Variants in DPP6 observed in about 807,000 individuals in gnomAD.
DPP6 encodes the protein A-type potassium channel modulatory protein DPP6.
A neutral mutation model predicts 122.6 loss-of-function variants in DPP6; 69 were observed. That is an observed-to-expected ratio of 0.56 (90% CI 0.46 to 0.69). DPP6 has a LOEUF of 0.69. DPP6 is among the 30% of genes least tolerant of loss of function. The pLI, the probability that DPP6 is intolerant of heterozygous loss-of-function variation, is 0.00. For synonymous variants in DPP6, 418 were observed against 433.1 expected (o/e 0.97, Z 0.43); for missense variants, 928 against 1,116.9 (o/e 0.83, Z 2.41).
At chr7:154,710,935 G>A (rs527308965) in intron 7 of DPP6, among the ~76,000 whole-genome samples, 1 of 152,314 alleles carries the variant, frequency 6.6e-6, no homozygotes, top group Non-Finnish European at 1.5e-5. Context: ...TATAAATTAT[G>A]TTCTATATTA....
At chr7:154,531,278 C>T (rs1466196587) in intron 3 of DPP6, among the ~76,000 whole-genome samples, 2 of 152,006 alleles carry the variant, frequency 1.3e-5, no homozygotes, top group Non-Finnish European at 2.9e-5. Flanking sequence ...TTAAAGGCAC[C>T]AAAAGAAAAA....
chr7:154,307,649 A>G (rs1482213386), intron 1 of DPP6, among the ~76,000 whole-genome samples: 3 of 152,206 alleles, frequency 2.0e-5, no homozygotes, highest in African/African-American at 4.8e-5. Flanking sequence ...ATAACCTCCT[A>G]AAATAAAATC....
rs551810453 is a variant in DPP6, at chr7:154,667,491, G to A, written c.681-1869G>A. The stretch of plus-strand genomic sequence containing the variant: ...GCCTGTAATTCCAGCACTTTGGGAG[G>A]CCGAGGCAGACGGATTCCCTGAGGT... On this transcript the variant is annotated intron_variant, in intron 6 of 25. Transcript: ENST00000377770. Among the ~76,000 whole-genome samples the A allele has an allele frequency of 2.0e-5, 3 of 152,310 alleles. No homozygotes were observed. The East Asian group carries it at 5.8e-4, about 29-fold the overall frequency.
intron 7 of DPP6, among the ~76,000 whole-genome samples, chr7:154,688,541 T>C (rs927200280): frequency 7.2e-5 from 11 of 152,102 alleles, no homozygotes; most frequent in African/African-American, 2.4e-5. Flanking sequence ...AGGATATATA[T>C]ATTAACTTAC....
chr7:153,827,343 G>T, the DPP6 span, among the ~76,000 whole-genome samples: 19 of 152,260 alleles, frequency 1.2e-4, no homozygotes, highest in African/African-American at 4.6e-4. Context: ...GTGCTTCTGG[G>T]TAGACGGAGT....
chr7:154,823,760 G>C (rs1253752261), intron 16 of DPP6, among the ~76,000 whole-genome samples: 2 of 152,168 alleles, frequency 1.3e-5, no homozygotes, highest in African/African-American at 4.8e-5. Flanking sequence ...TAAGGTCCTT[G>C]CCAGTTTAAG....
At chr7:154,093,940 T>C (rs1282493816) in intron 1 of DPP6, 4 of 152,262 alleles carry the variant, frequency 2.6e-5, no homozygotes, top group African/African-American at 7.2e-5. Flanking sequence ...GTTCCTTTCA[T>C]GTTTGGGCCA....
At chr7:154,676,080 C>T (rs973669512) in intron 7 of DPP6, among the ~76,000 whole-genome samples, 2 of 152,120 alleles carry the variant, frequency 1.3e-5, no homozygotes, top group African/African-American at 2.4e-5. Flanking sequence ...GTCCAGCTGT[C>T]CTTACCTCCT....
intron 1 of DPP6, among the ~76,000 whole-genome samples, chr7:153,918,092 C>T (rs1169620464): frequency 6.6e-6 from 1 of 152,174 alleles, no homozygotes; most frequent in African/African-American, 2.4e-5. Context: ...GTGAGCTGAA[C>T]TGGTACTTTA....
At chr7:154,002,493 G>T (rs1797732635) in intron 1 of DPP6, among the ~76,000 whole-genome samples, 2 of 152,180 alleles carry the variant, frequency 1.3e-5, no homozygotes, top group Admixed American at 1.3e-4. Flanking sequence ...ATTGTACGGG[G>T]TCAGTCGCTG....
At position 154,313,685 on chromosome 7, in the gene DPP6, G is replaced by GTGTGTGTGTATATATATATATATATATA; in HGVS notation, c.244-132528_244-132527insGTGTGTGTATATATATATATATATATAT. On this transcript the variant is annotated intron_variant, in intron 1 of 25. Coordinates refer to ENST00000377770, the MANE Select transcript of DPP6 (RefSeq NM_130797.4). Reference sequence around the variant, plus strand: ...AAGCAACAAGATATTTTAAGATATGGTATATATATATATATATATATATAT... The same window carrying GTGTGTGTGTATATATATATATATATATA: ...AAGCAACAAGATATTTTAAGATATGGTGTGTGTGTATATATATATATATATATATATATATATATATATATATATATAT... 2.7e-3 allele frequency among the ~76,000 whole-genome samples: 56 copies of GTGTGTGTGTATATATATATATATATATA among 20,468 alleles called. 9 individuals are homozygous for GTGTGTGTGTATATATATATATATATATA. The highest frequency in any genetic ancestry group is 0.036 in the Middle Eastern group (1 of 28). 13.4% of individuals were successfully genotyped at this position (20,468 alleles called of 152,430 possible). A position where few individuals can be genotyped will look rare whatever the true frequency, so the allele number is the denominator to read the frequency against.
At chr7:154,622,778 T>C (rs1463381948) in intron 5 of DPP6, among the ~76,000 whole-genome samples, 1 of 152,164 alleles carries the variant, frequency 6.6e-6, no homozygotes, top group Non-Finnish European at 1.5e-5. Context: ...ACAGCACACA[T>C]GGACCACGGT....
intron 10 of DPP6, among the ~76,000 whole-genome samples, chr7:154,782,370 C>G (rs982562841): frequency 6.6e-6 from 1 of 152,202 alleles, no homozygotes; most frequent in East Asian, 1.9e-4. Flanking sequence ...TTCAATATCT[C>G]TCTTCATCTT....
chr7:154,860,454 A>G (rs1401435615), intron 17 of DPP6, among the ~76,000 whole-genome samples: 1 of 152,228 alleles, frequency 6.6e-6, no homozygotes, highest in African/African-American at 2.4e-5. Context: ...GGTTGCAGAC[A>G]GGAGGGCTGC....
In DPP6 at chr7:154,647,274, C is replaced by T. The variant is rs1297200315; in HGVS notation, c.680+9401C>T. On this transcript the variant is annotated intron_variant, in intron 6 of 25. Coordinates refer to ENST00000377770, the MANE Select transcript of DPP6 (RefSeq NM_130797.4). ...TGGTGTCCAGCTGGGGTCATCTGGC[C>T]TGCTCGCCCCTTTACTTGCTGCCCT... Among the ~76,000 whole-genome samples, 5 of 152,202 alleles carry T rather than the reference C, an allele frequency of 3.3e-5. No individual in the cohort carries two copies. The South Asian group carries it at 6.2e-4, about 19-fold the overall frequency.
chr7:153,837,062 A>T, the DPP6 span, among the ~76,000 whole-genome samples: 14 of 152,150 alleles, frequency 9.2e-5, no homozygotes, highest in Admixed American at 7.9e-4. Context: ...CACCGCCAAG[A>T]AAATATTTGA....
At chr7:154,803,594 C>T (rs747335029) in intron 13 of DPP6, among the ~76,000 whole-genome samples, 24 of 152,192 alleles carry the variant, frequency 1.6e-4, no homozygotes, top group African/African-American at 7.2e-5. Flanking sequence ...GAGGCCAGGT[C>T]CAAGTGATTC....
At chr7:154,471,020 G>A (rs1223493126) in intron 2 of DPP6, among the ~76,000 whole-genome samples, 1 of 152,138 alleles carries the variant, frequency 6.6e-6, no homozygotes, top group Admixed American at 6.5e-5. Flanking sequence ...GGAGGCTGAG[G>A]TGGGCGGATC....
At chr7:153,755,992 T>C in the DPP6 span, among the ~76,000 whole-genome samples, 2 of 152,216 alleles carry the variant, frequency 1.3e-5, no homozygotes, top group African/African-American at 4.8e-5. Context: ...CCCCTTTTCT[T>C]TTCTCACACA....
Sources: allele counts gnomAD v4.1 joint callset (sites outside exome capture counted in the v4.1 genomes callset), GRCh38; gene constraint gnomAD v4.1.1; transcripts MANE v1.5; gene names NCBI Gene and HGNC (gene_info 2026-07-23, HGNC 2026-07-21).